The following RTN1 variants were observed in gnomAD, a reference collection of about 807,000 sequenced individuals.
RTN1 encodes reticulon 1.
RTN1 carries 25 observed loss-of-function variants against 65.5 expected under a neutral mutation model. That is an observed-to-expected ratio of 0.38 (90% CI 0.28 to 0.53). The LOEUF (loss-of-function observed/expected upper bound fraction) is 0.53, where lower values mean the gene tolerates loss of function less well. Among genes scored for constraint, RTN1 ranks in the 20% least tolerant of loss-of-function variants. The probability of loss-of-function intolerance (pLI) is 0.79; values close to 1 mark genes in which losing one functional copy is unlikely to be tolerated. For missense variants in RTN1, 983 were observed against 1,025.4 expected (o/e 0.96, Z 0.57); for synonymous variants, 471 against 447.6 (o/e 1.05, Z -0.66).
intron 3 of RTN1, among the ~76,000 whole-genome samples, chr14:59,616,242 T>A (rs1882097326): frequency 6.6e-6 from 1 of 152,208 alleles, no homozygotes. Context: ...ACTTAGTATA[T>A]GTTATCAGTA....
intron 2 of RTN1, among the ~76,000 whole-genome samples, chr14:59,743,211 C>A (rs955693969): frequency 1.3e-5 from 2 of 152,196 alleles, no homozygotes; most frequent in African/African-American, 4.8e-5. Context: ...TTCTCTTGAA[C>A]CTTCTCCAGA....
intron 3 of RTN1, among the ~76,000 whole-genome samples, chr14:59,624,089 G>T (rs1412719628): frequency 6.6e-6 from 1 of 152,172 alleles, no homozygotes; most frequent in Non-Finnish European, 1.5e-5. Flanking sequence ...TTGTCAAAGA[G>T]CTCAAGAGTA....
intron 3 of RTN1, among the ~76,000 whole-genome samples, chr14:59,673,209 T>C (rs1340416834): frequency 1.3e-5 from 2 of 152,230 alleles, no homozygotes; most frequent in Non-Finnish European, 2.9e-5. Flanking sequence ...CAGCTCTTGC[T>C]TGGGGAGTCC....
chr14:59,817,185 G>T (rs894110925), intron 1 of RTN1, among the ~76,000 whole-genome samples: 1 of 152,060 alleles, frequency 6.6e-6, no homozygotes, highest in South Asian at 2.1e-4. Context: ...GTTCTCACAG[G>T]ACCTCTTATA....
intron 1 of RTN1, among the ~76,000 whole-genome samples, chr14:59,823,140 A>G (rs1251239880): frequency 2.0e-5 from 3 of 152,098 alleles, no homozygotes; most frequent in African/African-American, 7.2e-5. Flanking sequence ...TAGTTATCTA[A>G]TTCTCTGCAT....
chr14:59,809,868 TA>T (rs1250155786), intron 1 of RTN1, among the ~76,000 whole-genome samples: 4 of 152,110 alleles, frequency 2.6e-5, no homozygotes, highest in African/African-American at 7.2e-5. Flanking sequence ...TTTTTATATT[TA>T]AAAAAATTGG....
chr14:59,630,733 T>C, intron 3 of RTN1: 2 of 1,107,162 alleles, frequency 1.8e-6, no homozygotes, highest in Non-Finnish European at 2.2e-6. Context: ...CCTGCGCGCA[T>C]GGGGATGCGG....
intron 1 of RTN1, among the ~76,000 whole-genome samples, chr14:59,823,297 G>A (rs754694804): frequency 3.3e-5 from 5 of 151,432 alleles, no homozygotes; most frequent in Non-Finnish European, 5.9e-5. Context: ...AATCATCATT[G>A]GTTTAAAGAC....
At chr14:59,654,751 T>G (rs1252635333) in intron 3 of RTN1, among the ~76,000 whole-genome samples, 2 of 152,148 alleles carry the variant, frequency 1.3e-5, no homozygotes, top group Non-Finnish European at 2.9e-5. Flanking sequence ...CAATGCCCTT[T>G]CATGTTAAAA....
At chr14:59,630,546 G>A (rs774836442) in intron 3 of RTN1, 7 of 1,611,506 alleles carry the variant, frequency 4.3e-6, no homozygotes, top group Non-Finnish European at 5.1e-6. Context: ...CTCCTCGGGG[G>A]CGCCGAGCGT....
Position 59,727,239 on chromosome 14 carries a change from T to A in RTN1, c.1445A>T (p.Lys482Met). 6.5e-7 allele frequency: 1 copy of A among 1,550,278 alleles called. No homozygotes were observed. The highest frequency in any genetic ancestry group is 8.7e-7 in the Non-Finnish European group (1 of 1,148,474). Reference protein sequence around the residue: ...DASSASEESPKREQDSPPMKP... With the variant: ...DASSASEESPMREQDSPPMKP... ...CATCGGGGGTGAGTCCTGCTCCCGCTTGGGGCTCTCCTCCGAGGCCGAGGA... is the reference window on the plus strand; with the variant it reads ...CATCGGGGGTGAGTCCTGCTCCCGCATGGGGCTCTCCTCCGAGGCCGAGGA... Residue 482 changes from lysine to methionine, a missense_variant, in exon 3 of 9, where the codon AAG becomes ATG. Lys to Met is a moderately conservative substitution (Grantham distance 95, BLOSUM62 -1). This residue lies in a region of RTN1 where 818 missense variants were observed against 801.8 expected (regional missense o/e 1.02). Transcript: ENST00000267484. This position sits in a 1 kb window ranked among gnomAD's most constrained non-coding sequence, Gnocchi z 4.2.
intron 2 of RTN1, among the ~76,000 whole-genome samples, chr14:59,738,860 G>T (rs1415198823): frequency 6.6e-6 from 1 of 152,202 alleles, no homozygotes; most frequent in African/African-American, 2.4e-5. Context: ...GGACATGGAT[G>T]GAGCTGGAGG....
chr14:59,787,956 A>G (rs920109976), intron 1 of RTN1, among the ~76,000 whole-genome samples: 2 of 152,088 alleles, frequency 1.3e-5, no homozygotes, highest in Non-Finnish European at 2.9e-5. Context: ...AACTCCTTAC[A>G]CTTTATTGAT....
chr14:59,643,140 G>A (rs1882814254), intron 3 of RTN1, among the ~76,000 whole-genome samples: 1 of 152,178 alleles, frequency 6.6e-6, no homozygotes, highest in East Asian at 1.9e-4. Context: ...CAAGGATGGT[G>A]GATCATTCCT....
rs979898644 is a variant in RTN1, at chr14:59,846,113, T to C, written c.241+24277A>G. 1.3e-5 allele frequency among the ~76,000 whole-genome samples: 2 copies of C among 152,142 alleles called. No homozygotes were observed. The highest frequency in any genetic ancestry group is 6.5e-5 in the Admixed American group (1 of 15,274). Reference sequence around the variant, plus strand: ...CAGGGGTAGGTGGATCATTATAGGATGTCAACCAGGTAGGAATTGAAGACA... The same window carrying C: ...CAGGGGTAGGTGGATCATTATAGGACGTCAACCAGGTAGGAATTGAAGACA... On this transcript the variant is annotated intron_variant, in intron 1 of 8. Transcript: ENST00000267484. This position sits in a 1 kb window ranked among gnomAD's most constrained non-coding sequence, Gnocchi z 4.8.
At chr14:59,770,249 A>C (rs772676158) in intron 1 of RTN1, among the ~76,000 whole-genome samples, 8 of 151,722 alleles carry the variant, frequency 5.3e-5, no homozygotes, top group Non-Finnish European at 1.0e-4. Flanking sequence ...ATGGTGCTGC[A>C]CGCCTGTAAT....
chr14:59,695,149 G>A (rs764642853), intron 3 of RTN1, among the ~76,000 whole-genome samples: 4 of 152,172 alleles, frequency 2.6e-5, no homozygotes, highest in Non-Finnish European at 5.9e-5. Context: ...GAGTGATGGG[G>A]TGAGGGTGGT....
intron 2 of RTN1, among the ~76,000 whole-genome samples, chr14:59,736,248 T>C (rs1277058607): frequency 6.6e-6 from 1 of 152,098 alleles, no homozygotes; most frequent in Non-Finnish European, 1.5e-5. Context: ...GAGCTGTTTT[T>C]TTAAAAAATA....
chr14:59,710,843 C>T (rs1884404768), intron 3 of RTN1, among the ~76,000 whole-genome samples: 1 of 152,218 alleles, frequency 6.6e-6, no homozygotes, highest in Non-Finnish European at 1.5e-5. Flanking sequence ...AAAAACAATC[C>T]AATTATAGAA....
Sources: allele counts gnomAD v4.1 joint callset (sites outside exome capture counted in the v4.1 genomes callset), GRCh38; gene constraint gnomAD v4.1.1; regional missense constraint gnomAD v4.1.1; non-coding constraint Gnocchi (gnomAD v3.1); transcripts MANE v1.5; gene names NCBI Gene and HGNC (gene_info 2026-07-23, HGNC 2026-07-21).